RBM20: variants seen among roughly 807,000 people sequenced by gnomAD.
RBM20 encodes the protein RNA binding motif protein 20, also known as RNA-binding protein 20.
Under a neutral mutation model 110.1 loss-of-function variants are expected in RBM20, and 51 were observed. The observed-to-expected ratio is 0.46, with a 90% CI of 0.37 to 0.59. The LOEUF is 0.59. RBM20 is among the 20% of genes least tolerant of loss of function. The pLI is 0.00. For missense variants in RBM20, 1,512 were observed against 1,574.9 expected (o/e 0.96, Z 0.68); for synonymous variants, 589 against 618.2 (o/e 0.95, Z 0.70).
intron 1 of RBM20, among the ~76,000 whole-genome samples, chr10:110,717,331 A>G: frequency 6.6e-6 from 1 of 152,142 alleles, no homozygotes; most frequent in Non-Finnish European, 1.5e-5. Flanking sequence ...TAAATATTCT[A>G]CTGCCCTCCT....
chr10:110,822,576 A>G (rs1844928696), intron 11 of RBM20: 1 of 436,812 alleles, frequency 2.3e-6, no homozygotes. Flanking sequence ...GGAACTTAAG[A>G]TCCATCAGGG....
chr10:110,644,612 C>T lies in RBM20; in HGVS notation c.158C>T (p.Pro53Leu), dbSNP rs766233271. Residue 53 changes from proline (P) to leucine (L), a missense_variant, in exon 1 of 14, where the codon CCG becomes CTG. Coordinates refer to ENST00000369519, the MANE Select transcript of RBM20 (RefSeq NM_001134363.3). The surrounding 1 kb of genome is among the most constrained non-coding windows in gnomAD (Gnocchi z 4.3). ...QPPPPPQPPP[P>L]PQAGLPQIIQ... ...CCGCCGCCGCCCCAGCCACCGCCCC[C>T]GCCCCAAGCCGGCCTACCCCAGATC... The T allele has an allele frequency of 5.3e-6, 8 of 1,519,054 alleles. No homozygotes were observed. The highest frequency in any genetic ancestry group is 1.4e-5 in the African/African-American group (1 of 70,052). The allele number at this position is 1,519,054 out of a possible 1,614,324, so 94.1% of individuals were successfully genotyped here.
chr10:110,748,519 G>C (rs773379307), intron 1 of RBM20, among the ~76,000 whole-genome samples: 3 of 152,204 alleles, frequency 2.0e-5, no homozygotes, highest in Non-Finnish European at 4.4e-5. Context: ...GGATCACTCA[G>C]AGGAGGCATC....
chr10:110,702,988 C>G (rs58648756), intron 1 of RBM20, among the ~76,000 whole-genome samples: 6 of 126,862 alleles, frequency 4.7e-5, no homozygotes, highest in African/African-American at 1.2e-4. Context: ...GGTTTTTTTT[C>G]TTGTTTTTTT....
chr10:110,681,323 T>C (rs1862420931), intron 1 of RBM20, among the ~76,000 whole-genome samples: 1 of 152,264 alleles, frequency 6.6e-6, no homozygotes, highest in Non-Finnish European at 1.5e-5. Flanking sequence ...TCTTTAAGGG[T>C]TAGTTTAAGC....
chr10:110,712,185 T>A lies in RBM20; in HGVS notation c.191+67540T>A, dbSNP rs968076345. Among the ~76,000 whole-genome samples, 6 of 152,350 alleles carry A rather than the reference T, an allele frequency of 3.9e-5. No homozygotes were observed. The East Asian group carries it at 1.2e-3, about 29-fold the overall frequency. ...AAATGATGCATCAGACCAAACAAGG[T>A]GCTCAGTTACAGTTAGTTAATTGTG... is the stretch of plus-strand genomic sequence containing the variant. On this transcript the variant is annotated intron_variant, in intron 1 of 13. Transcript: ENST00000369519.
chr10:110,828,325 A>G (rs1172439495), intron 12 of RBM20, among the ~76,000 whole-genome samples: 1 of 152,140 alleles, frequency 6.6e-6, no homozygotes, highest in Non-Finnish European at 1.5e-5. Context: ...GAGTTGTGCC[A>G]TGGGATATGT....
At position 110,747,300 on chromosome 10, in the gene RBM20, G is replaced by T. The variant is rs911406973; in HGVS notation, c.192-33501G>T. The stretch of plus-strand genomic sequence containing the variant: ...TGATTTTAAAAACTCTTTTTTTGGG[G>T]GGGGGGGTCATTCTGGCAGGGTAGC... On this transcript the variant is annotated intron_variant, in intron 1 of 13. Transcript: ENST00000369519. Among the ~76,000 whole-genome samples, 24 of 150,844 alleles carry T rather than the reference G, an allele frequency of 1.6e-4. 1 individual carries two copies. The highest frequency in any genetic ancestry group is 3.4e-3 in the Middle Eastern group (1 of 294).
chr10:110,796,386 A>G (rs1844551053), intron 5 of RBM20, among the ~76,000 whole-genome samples: 1 of 152,230 alleles, frequency 6.6e-6, no homozygotes, highest in Non-Finnish European at 1.5e-5. Context: ...AAATTTTACA[A>G]CACTTGCTTC....
rs919914863 is a variant in RBM20 at position 110,722,410 on chromosome 10, A to G, written c.192-58391A>G. Among the ~76,000 whole-genome samples the G allele has an allele frequency of 9.9e-5, 15 of 152,012 alleles. 1 individual carries two copies. The highest frequency in any genetic ancestry group is 3.4e-4 in the African/African-American group (14 of 41,414). On this transcript the variant is annotated intron_variant, in intron 1 of 13. Transcript: ENST00000369519. ...CAGTTATTACAGTTGATGAACCTGC[A>G]TGAAGCATTGTGATCACTCAGAGTC...
At position 110,818,309 on chromosome 10, in the gene RBM20, C is replaced by A. The variant is rs28697872; in HGVS notation, c.2551-1763C>A. On this transcript the variant is annotated intron_variant, in intron 9 of 13. Coordinates refer to ENST00000369519, the MANE Select transcript of RBM20 (RefSeq NM_001134363.3). ...TCCATCTCAAAAAAAAAAAAAAAAC[C>A]AAAACGACAATATGGTGAGGATGTG... Among the ~76,000 whole-genome samples the A allele has an allele frequency of 8.5e-3, 1,019 of 119,694 alleles. 108 individuals are homozygous for A. Among genetic ancestry groups the A allele is most frequent in the East Asian group, 0.054 (195 of 3,578 alleles). 78.5% of individuals were successfully genotyped at this position (119,694 alleles called of 152,430 possible).
At chr10:110,801,005 A>C (rs867070574) in intron 7 of RBM20, among the ~76,000 whole-genome samples, 1 of 152,228 alleles carries the variant, frequency 6.6e-6, no homozygotes, top group Non-Finnish European at 1.5e-5. Flanking sequence ...TTGAGCATAT[A>C]ACTAGAGGTA....
At chr10:110,656,465 C>CGTGT (rs548806708) in intron 1 of RBM20, among the ~76,000 whole-genome samples, 6 of 123,792 alleles carry the variant, frequency 4.8e-5, no homozygotes, top group Admixed American at 2.3e-4. Context: ...AGTATGTACT[C>CGTGT]ATGTGTGTGT....
intron 1 of RBM20, among the ~76,000 whole-genome samples, chr10:110,690,522 T>C (rs1862571763): frequency 6.6e-6 from 1 of 152,186 alleles, no homozygotes; most frequent in Non-Finnish European, 1.5e-5. Flanking sequence ...AGAAACTCTC[T>C]ACCCATTAAA....
chr10:110,727,419 A>AAAAAATAAAAAAAAAAAATAAAAAAAT (rs377734576), intron 1 of RBM20, among the ~76,000 whole-genome samples: 2 of 146,726 alleles, frequency 1.4e-5, no homozygotes, highest in Admixed American at 6.7e-5. Context: ...AAATAAAAAA[A>AAAAAATAAAAAAAAAAAATAAAAAAAT]AAATAAATAA....
rs576786452 is a variant in RBM20, at chr10:110,739,743, C to A, written c.192-41058C>A. On this transcript the variant is annotated intron_variant, in intron 1 of 13. Transcript: ENST00000369519. This position sits in a 1 kb window ranked among gnomAD's most constrained non-coding sequence, Gnocchi z 4.1. Reference sequence around the variant, plus strand: ...CTAAATGGGTATTAATAGTTCCCACCTGCAGGACTGAACTGTGGAAATGCA... The same window carrying A: ...CTAAATGGGTATTAATAGTTCCCACATGCAGGACTGAACTGTGGAAATGCA... Among the ~76,000 whole-genome samples, 2 of 152,314 alleles carry A rather than the reference C, an allele frequency of 1.3e-5. No homozygotes were observed. The highest frequency in any genetic ancestry group is 4.8e-5 in the African/African-American group (2 of 41,576).
upstream of RBM20, among the ~76,000 whole-genome samples, chr10:110,644,087 A>G (rs1018450745): frequency 3.9e-5 from 6 of 152,104 alleles, no homozygotes; most frequent in Admixed American, 2.6e-4. This position sits in a 1 kb window ranked among gnomAD's most constrained non-coding sequence, Gnocchi z 4.3. Context: ...TGGGCTACGG[A>G]CCCTGAGGGT....
chr10:110,724,188 C>A (rs147311474), intron 1 of RBM20, among the ~76,000 whole-genome samples: 155 of 152,246 alleles, frequency 1.0e-3, no homozygotes, highest in African/African-American at 3.6e-3. Context: ...TGTGCAGAAC[C>A]CGTTTGTCTC....
chr10:110,716,350 T>G (rs916139506), intron 1 of RBM20, among the ~76,000 whole-genome samples: 3 of 152,228 alleles, frequency 2.0e-5, no homozygotes, highest in African/African-American at 7.2e-5. Context: ...GCACCTGGCT[T>G]CTCCTGCTCT....
Sources: allele counts gnomAD v4.1 joint callset (sites outside exome capture counted in the v4.1 genomes callset), GRCh38; gene constraint gnomAD v4.1.1; non-coding constraint Gnocchi (gnomAD v3.1); transcripts MANE v1.5; gene names NCBI Gene and HGNC (gene_info 2026-07-23, HGNC 2026-07-21).